The following SESTD1 variants were observed in gnomAD, a reference collection of about 807,000 sequenced individuals.
SESTD1 encodes the protein SEC14 and spectrin domain containing 1.
SESTD1 carries 43 observed loss-of-function variants against 101.7 expected under a neutral mutation model. The ratio of observed to expected loss-of-function variants is 0.42; its 90% CI spans 0.33 to 0.55. The LOEUF is 0.55. Ranked by LOEUF, SESTD1 falls within the 20% of genes least tolerant of loss-of-function variation. The probability of loss-of-function intolerance (pLI) is 0.07; values close to 1 mark genes in which losing one functional copy is unlikely to be tolerated. For synonymous variants in SESTD1, 283 were observed against 286.8 expected (o/e 0.99, Z 0.13); for missense variants, 647 against 815.1 (o/e 0.79, Z 2.51).
At chr2:179,190,080 C>A (rs979578540) in intron 2 of SESTD1, among the ~76,000 whole-genome samples, 1 of 151,924 alleles carries the variant, frequency 6.6e-6, no homozygotes, top group Admixed American at 6.6e-5. Context: ...CAAAAAAAAG[C>A]CCAATTAGCT....
rs1353095477 is a variant in SESTD1 at position 179,107,188 on chromosome 2, T to C, written c.*2711A>G. 1 of 152,206 alleles carries C rather than the reference T, an allele frequency of 6.6e-6. No homozygotes were observed. Among genetic ancestry groups the C allele is most frequent in the Admixed American group, 6.5e-5 (1 of 15,274 alleles). 9.4% of individuals were successfully genotyped at this position (152,206 alleles called of 1,614,324 possible). ...TTTCACACGTTTACCTTAAGTGAGC[T>C]TTGACCCTATGGAAGAAAGTTGCTT... is the stretch of plus-strand genomic sequence containing the variant. On this transcript the variant is annotated 3_prime_UTR_variant, in exon 18 of 18. Coordinates refer to ENST00000428443, the MANE Select transcript of SESTD1 (RefSeq NM_178123.5).
chr2:179,123,106 T>C (rs2044789939), intron 12 of SESTD1, among the ~76,000 whole-genome samples: 1 of 152,148 alleles, frequency 6.6e-6, no homozygotes, highest in South Asian at 2.1e-4. Context: ...CTTCCCATTG[T>C]CACATCCTGA....
chr2:179,142,075 T>A (rs547445918), intron 9 of SESTD1, among the ~76,000 whole-genome samples: 16 of 152,356 alleles, frequency 1.1e-4, no homozygotes, highest in African/African-American at 3.6e-4. Context: ...ACTAGATCAA[T>A]TGTGCAGGCC....
In SESTD1 at chr2:179,117,612, A is replaced by G; in HGVS notation, c.1444T>C (p.Cys482Arg). 6.4e-7 allele frequency: 1 copy of G among 1,563,800 alleles called. No homozygotes were observed. The highest frequency in any genetic ancestry group is 8.6e-7 in the Non-Finnish European group (1 of 1,163,380). The stretch of plus-strand genomic sequence containing the variant: ...CTTCGCACATCTACCATGTCTTCAC[A>G]TCTAATGAACCCAAACATAAATTTA... ...MEDMQLRKQR[C>R]EDMVDVRRLK... The change falls in exon 14 of 18, where the codon TGT becomes CGT. Residue 482 changes from cysteine (C) to arginine (R), a missense_variant and splice_region_variant. Transcript: ENST00000428443.
chr2:179,137,662 T>C (rs116862017), intron 9 of SESTD1, among the ~76,000 whole-genome samples: 1 of 152,320 alleles, frequency 6.6e-6, no homozygotes, highest in East Asian at 1.9e-4. Flanking sequence ...AATCTCTGCA[T>C]ACCACATGAA....
intron 1 of SESTD1, among the ~76,000 whole-genome samples, chr2:179,230,619 C>A (rs1206871827): frequency 6.6e-6 from 1 of 151,150 alleles, no homozygotes; most frequent in Non-Finnish European, 1.5e-5. Context: ...GGAAAAGAAC[C>A]AAGAGAATGA....
intron 1 of SESTD1, among the ~76,000 whole-genome samples, chr2:179,199,867 G>A (rs570625102): frequency 1.4e-3 from 211 of 152,316 alleles, no homozygotes; most frequent in Non-Finnish European, 2.2e-3. Flanking sequence ...ACTGGCACAA[G>A]ACAGAGATGC....
Position 179,202,378 on chromosome 2 carries a change from A to T in SESTD1, c.-25-10512T>A, listed in dbSNP as rs987395935. ...ACTGTTATTATGGCCTAATGTTAACATTAGCATAATATTTTAATGTTTCAA... is the reference window on the plus strand; with the variant it reads ...ACTGTTATTATGGCCTAATGTTAACTTTAGCATAATATTTTAATGTTTCAA... On this transcript the variant is annotated intron_variant, in intron 1 of 17. Coordinates refer to ENST00000428443, the MANE Select transcript of SESTD1 (RefSeq NM_178123.5). Among the ~76,000 whole-genome samples, 5 of 134,252 alleles carry T rather than the reference A, an allele frequency of 3.7e-5. 2 individuals are homozygous for T. Among genetic ancestry groups the T allele is most frequent in the Non-Finnish European group, 8.0e-5 (5 of 62,600 alleles). 88.1% of individuals were successfully genotyped at this position (134,252 alleles called of 152,430 possible).
intron 1 of SESTD1, among the ~76,000 whole-genome samples, chr2:179,219,420 A>G (rs565132947): frequency 3.9e-4 from 60 of 152,258 alleles, no homozygotes; most frequent in Non-Finnish European, 8.4e-4. Context: ...TAACTAAATC[A>G]TCTCTAGTAA....
chr2:179,195,033 G>A (rs1157105394), intron 1 of SESTD1, among the ~76,000 whole-genome samples: 3 of 152,162 alleles, frequency 2.0e-5, no homozygotes, highest in East Asian at 3.8e-4. Flanking sequence ...AAAATGCAAG[G>A]ACAAGAGACA....
chr2:179,157,748 C>T (rs1271632009), intron 5 of SESTD1, among the ~76,000 whole-genome samples: 2 of 151,944 alleles, frequency 1.3e-5, no homozygotes, highest in East Asian at 3.8e-4. Flanking sequence ...TTTAGTGGAG[C>T]TAAATTTATT....
intron 1 of SESTD1, among the ~76,000 whole-genome samples, chr2:179,199,241 CA>C (rs2046459475): frequency 6.6e-6 from 1 of 151,818 alleles, no homozygotes; most frequent in African/African-American, 2.4e-5. Context: ...TACACTCTCC[CA>C]AGACTAAACC....
chr2:179,202,321 G>T lies in SESTD1; in HGVS notation c.-25-10455C>A, dbSNP rs1438992383. On this transcript the variant is annotated intron_variant, in intron 1 of 17. Transcript: ENST00000428443. Reference sequence around the variant, plus strand: ...AATAAAATAACACTCCCCAGTTTTTGTCACCTCCTGTCACATTTTCCTCCA... The same window carrying T: ...AATAAAATAACACTCCCCAGTTTTTTTCACCTCCTGTCACATTTTCCTCCA... Among the ~76,000 whole-genome samples, 2 of 133,640 alleles carry T rather than the reference G, an allele frequency of 1.5e-5. 1 individual carries two copies. Among genetic ancestry groups the T allele is most frequent in the Non-Finnish European group, 3.2e-5 (2 of 62,406 alleles). The allele number at this position is 133,640 out of a possible 152,430, so 87.7% of individuals were successfully genotyped here. A position where few individuals can be genotyped will look rare whatever the true frequency, so the allele number is the denominator to read the frequency against.
intron 5 of SESTD1, among the ~76,000 whole-genome samples, chr2:179,171,291 A>G (rs957361517): frequency 1.3e-5 from 2 of 152,212 alleles, no homozygotes; most frequent in Admixed American, 1.3e-4. Context: ...TCCTTTAAGA[A>G]TAAACTAAGT....
At chr2:179,124,694 G>A in intron 10 of SESTD1, 136 bp from the exon 11 acceptor site, 1 of 688,292 alleles carries the variant, frequency 1.5e-6, no homozygotes, top group Non-Finnish European at 2.4e-6. Flanking sequence ...AATTGAGGGT[G>A]GAAAGTTCCT....
intron 1 of SESTD1, among the ~76,000 whole-genome samples, chr2:179,233,980 G>T (rs922966540): frequency 7.9e-5 from 12 of 152,150 alleles, no homozygotes; most frequent in African/African-American, 2.9e-4. Context: ...CAGGTATTTG[G>T]TTAAACATTT....
chr2:179,255,082 A>G (rs564932881), intron 1 of SESTD1, among the ~76,000 whole-genome samples: 1 of 152,262 alleles, frequency 6.6e-6, no homozygotes, highest in East Asian at 1.9e-4. Flanking sequence ...GTGTATTCTG[A>G]CTGCTCCGCT....
In SESTD1 at chr2:179,102,406, AGT is replaced by A. The variant is rs2154393311; in HGVS notation, c.*7491_*7492del. The A allele has an allele frequency of 6.6e-6, 1 of 152,308 alleles. No homozygotes were observed. Among genetic ancestry groups the A allele is most frequent in the African/African-American group, 2.4e-5 (1 of 41,576 alleles). The allele number at this position is 152,308 out of a possible 1,614,324, so 9.4% of individuals were successfully genotyped here. ...TTCATCAGATTATCTTATAGAGACC[AGT>A]GTGACTTAATTCTCCCTAGATTTTA... On this transcript the variant is annotated 3_prime_UTR_variant, in exon 18 of 18. Transcript: ENST00000428443.
intron 9 of SESTD1, among the ~76,000 whole-genome samples, chr2:179,137,463 T>C (rs2045172834): frequency 6.6e-6 from 1 of 152,224 alleles, no homozygotes; most frequent in African/African-American, 2.4e-5. Flanking sequence ...TTGGCATCTA[T>C]GATTCCTCTC....
Sources: gnomAD v4.1 joint callset for allele counts (sites outside exome capture counted in the v4.1 genomes callset) on GRCh38, gnomAD v4.1.1 for gene constraint, MANE v1.5 for transcripts, NCBI Gene and HGNC (gene_info 2026-07-23, HGNC 2026-07-21) for gene names.